The following TFPI2 variants were observed in gnomAD, a reference collection of about 807,000 sequenced individuals.
The protein encoded by TFPI2 is tissue factor pathway inhibitor 2, also known as placental protein 5.
TFPI2 carries 23 observed loss-of-function variants against 23.1 expected under a neutral mutation model. That is an observed-to-expected ratio of 1.00 (90% CI 0.72 to 1.41). The LOEUF (loss-of-function observed/expected upper bound fraction) is 1.41, where lower values mean the gene tolerates loss of function less well. TFPI2 is among the 40% of genes most tolerant of loss of function. The probability of loss-of-function intolerance (pLI) is 0.00; values close to 1 mark genes in which losing one functional copy is unlikely to be tolerated. For missense variants in TFPI2, 291 were observed against 299.6 expected (o/e 0.97, Z 0.21); for synonymous variants, 119 against 111.7 (o/e 1.07, Z -0.41).
rs1187997467 is a variant in TFPI2 at position 93,886,260 on chromosome 7, T to A, written c.*560A>T. ...AACATTTCTGGCTTTAATAAATTGA[T>A]TAGCTTTTTAAATCAGTCAAGAAAG... On this transcript the variant is annotated 3_prime_UTR_variant, in exon 5 of 5. Transcript: ENST00000222543. The A allele has an allele frequency of 1.3e-5, 2 of 152,090 alleles. No homozygotes were observed. Among genetic ancestry groups the A allele is most frequent in the African/African-American group, 4.8e-5 (2 of 41,442 alleles). 9.4% of individuals were successfully genotyped at this position (152,090 alleles called of 1,614,324 possible).
rs1794002110 is a variant in TFPI2, at chr7:93,886,867, G to A, written c.661C>T (p.Leu221Phe). The change falls in exon 5 of 5, where the codon CTT becomes TTT. Residue 221 changes from leucine (L) to phenylalanine (F), a missense_variant. Leu to Phe is a conservative substitution (Grantham distance 22, BLOSUM62 0). Coordinates refer to ENST00000222543, the MANE Select transcript of TFPI2 (RefSeq NM_006528.4). ...TTCCGGATTCTACTGGCAAAGCGAA[G>A]CTTTGGCATCTTCTTTTTCTTTTTC... ...ALKKKKKMPK[L>F]RFASRIRKIR... 2 of 1,548,858 alleles carry A rather than the reference G, an allele frequency of 1.3e-6. No homozygotes were observed. Among genetic ancestry groups the A allele is most frequent in the African/African-American group, 1.4e-5 (1 of 70,460 alleles).
chr7:93,890,528 C>A, intron 1 of TFPI2, 63 bp downstream of exon 1: 1 of 1,548,282 alleles, frequency 6.5e-7, no homozygotes. Flanking sequence ...CTACACGGGG[C>A]CCCATGGCCC....
In TFPI2 at chr7:93,885,824, A is replaced by G. The variant is rs1793977564; in HGVS notation, c.*996T>C. The G allele has an allele frequency of 6.6e-6, 1 of 152,096 alleles. No homozygotes were observed. The highest frequency in any genetic ancestry group is 2.1e-4 in the South Asian group (1 of 4,828). The allele number at this position is 152,096 out of a possible 1,614,324, so 9.4% of individuals were successfully genotyped here. ...ATGAAAGATTGTTCAAGCAAAAGGTAAACGCATTTGTCATTTTGCATATTT... is the reference window on the plus strand; with the variant it reads ...ATGAAAGATTGTTCAAGCAAAAGGTGAACGCATTTGTCATTTTGCATATTT... On this transcript the variant is annotated 3_prime_UTR_variant, in exon 5 of 5. Transcript: ENST00000222543.
rs1472446140 is a variant in TFPI2 at position 93,889,907 on chromosome 7, C to G, written c.271+230G>C. The G allele has an allele frequency of 3.0e-5, 13 of 435,396 alleles. 1 individual carries two copies. Among genetic ancestry groups the G allele is most frequent in the Middle Eastern group, 1.2e-3 (2 of 1,692 alleles). 27.0% of individuals were successfully genotyped at this position (435,396 alleles called of 1,614,324 possible). On this transcript the variant is annotated intron_variant, in intron 2 of 4. Coordinates refer to ENST00000222543, the MANE Select transcript of TFPI2 (RefSeq NM_006528.4). ...TGAGGGAACAAATCTTTCCCTGAGT[C>G]CGCACAGGCACTGAATTATGATCAA...
chr7:93,889,145 A>G lies in TFPI2; in HGVS notation c.350T>C (p.Leu117Pro). ...GAATTTTTCACATGTCATGGAACTT[A>G]GATTAAAGAAATACTTTTCTGTGGA... ...EGSTEKYFFN[L>P]SSMTCEKFFS... The change falls in exon 3 of 5, where the codon CTA becomes CCA. Residue 117 changes from leucine (L) to proline (P), a missense_variant. By Grantham distance (98) the Leu-to-Pro change is moderately conservative. Coordinates refer to ENST00000222543, the MANE Select transcript of TFPI2 (RefSeq NM_006528.4). 6.2e-7 allele frequency: 1 copy of G among 1,613,536 alleles called. No individual in the cohort carries two copies. Among genetic ancestry groups the G allele is most frequent in the Non-Finnish European group, 8.5e-7 (1 of 1,179,786 alleles).
chr7:93,887,297 C>A lies in TFPI2; in HGVS notation c.595G>T (p.Val199Phe), dbSNP rs765804458. 6.2e-7 allele frequency: 1 copy of A among 1,612,564 alleles called. No individual in the cohort carries two copies. The highest frequency in any genetic ancestry group is 1.3e-5 in the African/African-American group (1 of 75,010). ...TGCGGNDNNF[V>F]SREDCKRACA... Reference sequence around the variant, plus strand: ...GCACGTTTGCAATCCTCCCTGCTAACAAAGTTATTGTCATTCCCTCCACAG... The same window carrying A: ...GCACGTTTGCAATCCTCCCTGCTAAAAAAGTTATTGTCATTCCCTCCACAG... The change falls in exon 4 of 5, where the codon GTT becomes TTT. Residue 199 changes from valine to phenylalanine, a missense_variant. Val to Phe is a conservative substitution (Grantham distance 50). Transcript: ENST00000222543.
At position 93,890,220 on chromosome 7, in the gene TFPI2, T is replaced by G. The variant is rs1421608982; in HGVS notation, c.188A>C (p.Gln63Pro). ...GCCCTCGCAGCCCCCGTACAGGAAC[T>G]GGCGGCAGCTCTGCGTGTACCTGTC... ...YYDRYTQSCR[Q>P]FLYGGCEGNA... The change falls in exon 2 of 5, where the codon CAG becomes CCG. Residue 63 changes from glutamine (Q) to proline (P), a missense_variant. Physicochemically the swap from Gln to Pro is moderately conservative, Grantham distance 76. Coordinates refer to ENST00000222543, the MANE Select transcript of TFPI2 (RefSeq NM_006528.4). 4 of 1,613,898 alleles carry G rather than the reference T, an allele frequency of 2.5e-6. No individual in the cohort carries two copies. Among genetic ancestry groups the G allele is most frequent in the Non-Finnish European group, 3.4e-6 (4 of 1,179,918 alleles).
rs1024857187 is a variant in TFPI2, at chr7:93,890,079, T to C, written c.271+58A>G. The C allele has an allele frequency of 8.0e-6, 12 of 1,497,044 alleles. No homozygotes were observed. The African/African-American group carries it at 1.5e-4, about 19-fold the overall frequency. The allele number at this position is 1,497,044 out of a possible 1,614,324, so 92.7% of individuals were successfully genotyped here. A position where few individuals can be genotyped will look rare whatever the true frequency, so the allele number is the denominator to read the frequency against. Reference sequence around the variant, plus strand: ...GCGAGACGTGGGAAACTGGCGAAGCTGCTACCAGCCGCCGGCGCAAGGAGC... The same window carrying C: ...GCGAGACGTGGGAAACTGGCGAAGCCGCTACCAGCCGCCGGCGCAAGGAGC... On this transcript the variant is annotated intron_variant, in intron 2 of 4. Coordinates refer to ENST00000222543, the MANE Select transcript of TFPI2 (RefSeq NM_006528.4).
At chr7:93,887,134 A>C in intron 4 of TFPI2, 127 bp downstream of exon 4, 1 of 948,544 alleles carries the variant, frequency 1.1e-6, no homozygotes, top group Non-Finnish European at 1.5e-6. Context: ...CACTACGGAG[A>C]TACTTATGTA....
chr7:93,890,694 G>A lies in TFPI2; in HGVS notation c.-16C>T, dbSNP rs1794124002. ...CGGGGTCCATGGTGCAGGGGGTCGGGCGGCCCGCTGGGCAAGGCGTCCGAG... is the reference window on the plus strand; with the variant it reads ...CGGGGTCCATGGTGCAGGGGGTCGGACGGCCCGCTGGGCAAGGCGTCCGAG... On this transcript the variant is annotated 5_prime_UTR_variant, in exon 1 of 5. Coordinates refer to ENST00000222543, the MANE Select transcript of TFPI2 (RefSeq NM_006528.4). 1 of 1,601,614 alleles carries A rather than the reference G, an allele frequency of 6.2e-7. No individual in the cohort carries two copies. The highest frequency in any genetic ancestry group is 1.1e-5 in the South Asian group (1 of 89,808).
Position 93,886,699 on chromosome 7 carries a change from A to T in TFPI2, c.*121T>A. The stretch of plus-strand genomic sequence containing the variant: ...AATTTTTTAAAAAGTGACTTGTATT[A>T]ATAAAAACTGGTGAATAAATCACCA... On this transcript the variant is annotated 3_prime_UTR_variant, in exon 5 of 5. Coordinates refer to ENST00000222543, the MANE Select transcript of TFPI2 (RefSeq NM_006528.4). 1.4e-6 allele frequency: 1 copy of T among 712,850 alleles called. No homozygotes were observed. The highest frequency in any genetic ancestry group is 2.2e-6 in the Non-Finnish European group (1 of 447,396). The allele number at this position is 712,850 out of a possible 1,614,324, so 44.2% of individuals were successfully genotyped here. A position where few individuals can be genotyped will look rare whatever the true frequency, so the allele number is the denominator to read the frequency against.
chr7:93,887,089 C>T (rs1794007786), intron 4 of TFPI2, among the ~76,000 whole-genome samples, 172 bp downstream of exon 4: 1 of 152,132 alleles, frequency 6.6e-6, no homozygotes, highest in Non-Finnish European at 1.5e-5. Context: ...TCTACTGCAG[C>T]TAGCCAGTAA....
intron 4 of TFPI2, 91 bp downstream of exon 4, chr7:93,887,170 C>T: frequency 7.8e-7 from 1 of 1,278,928 alleles, no homozygotes; most frequent in South Asian, 1.6e-5. Context: ...CAGCAATTTG[C>T]TATTAGTAAA....
In TFPI2 at chr7:93,889,084, G is replaced by T; in HGVS notation, c.411C>A (p.Asn137Lys). 1.9e-6 allele frequency: 3 copies of T among 1,611,702 alleles called. No individual in the cohort carries two copies. Among genetic ancestry groups the T allele is most frequent in the Non-Finnish European group, 1.7e-6 (2 of 1,179,258 alleles). The part of the protein sequence containing the change: ...SGGCHRNRIE[N>K]RFPDEATCMG... ...TACAAGTAGCTTCATCTGGAAACCT[G>T]TTCTCAATCCGGTTCCGGTGACACC... is the stretch of plus-strand genomic sequence containing the variant. Residue 137 changes from asparagine to lysine, a missense_variant, in exon 3 of 5, where the codon AAC becomes AAA. Physicochemically the swap from Asn to Lys is moderately conservative, Grantham distance 94 (BLOSUM62 0). Coordinates refer to ENST00000222543, the MANE Select transcript of TFPI2 (RefSeq NM_006528.4).
Position 93,887,436 on chromosome 7 carries a change from A to C in TFPI2, c.461-5T>G, listed in dbSNP as rs1264961936. 6.2e-7 allele frequency: 1 copy of C among 1,601,552 alleles called. No homozygotes were observed. The highest frequency in any genetic ancestry group is 2.2e-5 in the East Asian group (1 of 44,736). Reference sequence around the variant, plus strand: ...GACTGTAGCAAAATGATGGAACTTTATAAAAAAGAGAAGAAAATTAGAAAT... The same window carrying C: ...GACTGTAGCAAAATGATGGAACTTTCTAAAAAAGAGAAGAAAATTAGAAAT... On this transcript the variant is annotated splice_region_variant and splice_polypyrimidine_tract_variant and intron_variant, in intron 3 of 4. Coordinates refer to ENST00000222543, the MANE Select transcript of TFPI2 (RefSeq NM_006528.4).
In TFPI2 at chr7:93,890,473, G is replaced by A. The variant is rs1794111764; in HGVS notation, c.88+118C>T. On this transcript the variant is annotated intron_variant, in intron 1 of 4. Coordinates refer to ENST00000222543, the MANE Select transcript of TFPI2 (RefSeq NM_006528.4). ...TTGGGAGCGAGTCCCCCCTGCCAGC[G>A]GAGCGCGCGGCAGGGACCTGGAGAA... 9 of 1,415,436 alleles carry A rather than the reference G, an allele frequency of 6.4e-6. No individual in the cohort carries two copies. In the South Asian group the frequency reaches 1.3e-4, roughly 20 times the overall value. 87.7% of individuals were successfully genotyped at this position (1,415,436 alleles called of 1,614,324 possible).
At chr7:93,888,524 A>AGAAGGAAGGAAGGAAAGAAG in intron 3 of TFPI2, among the ~76,000 whole-genome samples, 1 of 116,634 alleles carries the variant, frequency 8.6e-6, no homozygotes, top group African/African-American at 3.5e-5. Flanking sequence ...AAAGAAAGAA[A>AGAAGGAAGGAAGGAAAGAAG]GAAGGAAGGA....
In TFPI2 at chr7:93,886,579, C is replaced by A; in HGVS notation, c.*241G>T. ...GTCATATTTGCTTTTATATCTTATG[C>A]ATTGCAAGAATTCAGTCTCACAAAC... On this transcript the variant is annotated 3_prime_UTR_variant, in exon 5 of 5. Transcript: ENST00000222543. 2 of 378,482 alleles carry A rather than the reference C, an allele frequency of 5.3e-6. 1 individual carries two copies. The highest frequency in any genetic ancestry group is 9.6e-5 in the South Asian group (2 of 20,728). 23.4% of individuals were successfully genotyped at this position (378,482 alleles called of 1,614,324 possible).
Position 93,887,251 on chromosome 7 carries a change from C to T in TFPI2, c.631+10G>A, listed in dbSNP as rs1432456343. On this transcript the variant is annotated intron_variant, in intron 4 of 4. Transcript: ENST00000222543. ...TTTATCTAAAGGTGGAATAAGAAAACATTCACTACCTTTTGCACATGCACG... is the reference window on the plus strand; with the variant it reads ...TTTATCTAAAGGTGGAATAAGAAAATATTCACTACCTTTTGCACATGCACG... The T allele has an allele frequency of 1.3e-6, 2 of 1,588,214 alleles. No individual in the cohort carries two copies. Among genetic ancestry groups the T allele is most frequent in the Admixed American group, 1.8e-5 (1 of 55,558 alleles).
Sources: gnomAD v4.1 joint callset for allele counts (sites outside exome capture counted in the v4.1 genomes callset) on GRCh38, gnomAD v4.1.1 for gene constraint, MANE v1.5 for transcripts, NCBI Gene and HGNC (gene_info 2026-07-23, HGNC 2026-07-21) for gene names.